MAN2C1: variants seen among roughly 807,000 people sequenced by gnomAD.
The protein encoded by MAN2C1 is alpha-mannosidase 2C1.
MAN2C1 carries 111 observed loss-of-function variants against 126.9 expected under a neutral mutation model. The observed-to-expected ratio is 0.87, with a 90% confidence interval of 0.75 to 1.02. MAN2C1 has a LOEUF of 1.02. MAN2C1 is among the 50% of genes least tolerant of loss of function. The pLI is 0.00. For synonymous variants in MAN2C1, 567 were observed against 561.5 expected (o/e 1.01, Z -0.14); for missense variants, 1,363 against 1,364.4 (o/e 1.00, Z 0.02).
chr15:75,356,325 C>G lies in MAN2C1; in HGVS notation c.2862G>C (p.Ala954=), dbSNP rs202038615. The G allele has an allele frequency of 3.7e-6, 6 of 1,612,094 alleles. No homozygotes were observed. Among genetic ancestry groups the G allele is most frequent in the South Asian group, 2.2e-5 (2 of 90,792 alleles). Residue 954 remains alanine (A), a synonymous_variant, in exon 24 of 26, where the codon GCG becomes GCC. Transcript: ENST00000267978. The surrounding 1 kb of genome is among the most constrained non-coding windows in gnomAD (Gnocchi z 5.8). ...CCTGCTTGACGGTCTCCAATACGACCGCGGGTGAAGACACGGAAAACGCAC... is the reference window on the plus strand; with the variant it reads ...CCTGCTTGACGGTCTCCAATACGACGGCGGGTGAAGACACGGAAAACGCAC... The part of the protein sequence containing the change: ...SWSAFSVSSP[A]VVLETVKQAE...
chr15:75,363,939 C>A (rs913927900), intron 6 of MAN2C1, 60 bp downstream of exon 6: 1 of 1,575,216 alleles, frequency 6.3e-7, no homozygotes, highest in Non-Finnish European at 8.7e-7. Context: ...TTCTAGGGCA[C>A]ATCCAGGTCT....
chr15:75,356,544 C>G lies in MAN2C1; in HGVS notation c.2737+62G>C. 6.5e-7 allele frequency: 1 copy of G among 1,550,020 alleles called. No individual in the cohort carries two copies. The highest frequency in any genetic ancestry group is 8.7e-7 in the Non-Finnish European group (1 of 1,145,296). On this transcript the variant is annotated intron_variant, in intron 23 of 25. Coordinates refer to ENST00000267978, the MANE Select transcript of MAN2C1 (RefSeq NM_006715.4). This position sits in a 1 kb window ranked among gnomAD's most constrained non-coding sequence, Gnocchi z 5.8. ...GGAAGCCAGGTTGCTGGGGTTTGGG[C>G]TCAGGGAAGGGCAGAGAGGTGTCTA...
chr15:75,360,970 C>T, intron 12 of MAN2C1, 76 bp downstream of exon 12: 2 of 1,522,768 alleles, frequency 1.3e-6, no homozygotes, highest in Admixed American at 2.0e-5. Flanking sequence ...GGGGTTGGGC[C>T]CAATGTCTGA....
At chr15:75,358,836 CA>C (rs1333679634) in intron 18 of MAN2C1, 28 bp from the exon 19 acceptor site, 1 of 1,574,986 alleles carries the variant, frequency 6.3e-7, no homozygotes, top group Non-Finnish European at 8.7e-7. Flanking sequence ...TGGTGCTGTA[CA>C]ACCAACTGAC....
At chr15:75,360,503 C>T (rs201132243) in intron 13 of MAN2C1, 62 bp downstream of exon 13, 31 of 1,596,584 alleles carry the variant, frequency 1.9e-5, no homozygotes, top group Non-Finnish European at 2.6e-6. Flanking sequence ...CTGCTGCCTT[C>T]TCTGACCCTC....
chr15:75,364,002 T>G lies in MAN2C1; in HGVS notation c.787A>C (p.Thr263Pro). Residue 263 changes from threonine (T) to proline (P), a missense_variant, in exon 6 of 26, where the codon ACA becomes CCA. Around this residue, in one of 3 missense-constraint regions of MAN2C1, gnomAD observed 628 missense variants for 609.8 expected, o/e 1.03. Coordinates refer to ENST00000267978, the MANE Select transcript of MAN2C1 (RefSeq NM_006715.4). ...IHATGHCHID[T>P]AWLWPFKETV... is the part of the protein sequence containing the mutation. ...GCCCAACCAGCTGCTGTCCTACCTG[T>G]ATCAATGTGGCAGTGCCCTGTGGCA... is the stretch of plus-strand genomic sequence containing the variant. 6.2e-7 allele frequency: 1 copy of G among 1,614,024 alleles called. No individual in the cohort carries two copies. Among genetic ancestry groups the G allele is most frequent in the Non-Finnish European group, 8.5e-7 (1 of 1,179,968 alleles).
rs1288155373 is a variant in MAN2C1 at position 75,362,230 on chromosome 15, C to A, written c.1008+113G>T. On this transcript the variant is annotated intron_variant, in intron 8 of 25. Coordinates refer to ENST00000267978, the MANE Select transcript of MAN2C1 (RefSeq NM_006715.4). This position sits in a 1 kb window ranked among gnomAD's most constrained non-coding sequence, Gnocchi z 4.5. ...GGACTAATGAGCCAGCCCTGCCACACAGCGGGGATGAGTGGCCCGTGGAAA... is the reference window on the plus strand; with the variant it reads ...GGACTAATGAGCCAGCCCTGCCACAAAGCGGGGATGAGTGGCCCGTGGAAA... The A allele has an allele frequency of 4.4e-6, 4 of 917,218 alleles. No individual in the cohort carries two copies. The highest frequency in any genetic ancestry group is 5.1e-6 in the Non-Finnish European group (3 of 584,158). The allele number at this position is 917,218 out of a possible 1,614,324, so 56.8% of individuals were successfully genotyped here.
In MAN2C1 at chr15:75,362,573, C is replaced by A. The variant is rs1421085248; in HGVS notation, c.897+69G>T. 20 of 1,559,178 alleles carry A rather than the reference C, an allele frequency of 1.3e-5. No individual in the cohort carries two copies. Among genetic ancestry groups the A allele is most frequent in the Non-Finnish European group, 1.7e-5 (19 of 1,136,754 alleles). On this transcript the variant is annotated intron_variant, in intron 7 of 25. Coordinates refer to ENST00000267978, the MANE Select transcript of MAN2C1 (RefSeq NM_006715.4). The surrounding 1 kb of genome is among the most constrained non-coding windows in gnomAD (Gnocchi z 4.5). ...CAGCCCTGACCCCAGGCCTGGGAAGCCTTCAGGGCCTGTGGAGCTCCAGGG... is the reference window on the plus strand; with the variant it reads ...CAGCCCTGACCCCAGGCCTGGGAAGACTTCAGGGCCTGTGGAGCTCCAGGG...
rs1006046130 is a variant in MAN2C1, at chr15:75,361,533, A to AG, written c.1218+70dup. ...GTGGTCTGTCTAGGACCCCACAATAAGGGGGAGAGGCAAATGGGCCAGGCG... is the reference window on the plus strand; with the variant it reads ...GTGGTCTGTCTAGGACCCCACAATAAGGGGGGAGAGGCAAATGGGCCAGGCG... On this transcript the variant is annotated intron_variant, in intron 10 of 25. Transcript: ENST00000267978. This position sits in a 1 kb window ranked among gnomAD's most constrained non-coding sequence, Gnocchi z 5.0. 2 of 1,335,920 alleles carry AG rather than the reference A, an allele frequency of 1.5e-6. No homozygotes were observed. Among genetic ancestry groups the AG allele is most frequent in the African/African-American group, 2.9e-5 (2 of 69,294 alleles). The allele number at this position is 1,335,920 out of a possible 1,614,324, so 82.8% of individuals were successfully genotyped here.
Position 75,362,854 on chromosome 15 carries a change from C to T in MAN2C1, c.791-106G>A. 2.3e-6 allele frequency: 2 copies of T among 872,726 alleles called. No homozygotes were observed. Among genetic ancestry groups the T allele is most frequent in the Non-Finnish European group, 1.8e-6 (1 of 541,786 alleles). 54.1% of individuals were successfully genotyped at this position (872,726 alleles called of 1,614,324 possible). On this transcript the variant is annotated intron_variant, in intron 6 of 25. Transcript: ENST00000267978. The surrounding 1 kb of genome is among the most constrained non-coding windows in gnomAD (Gnocchi z 4.5). ...CCCCCCTCCCATCCCAGGCCCTTCA[C>T]CCTGGAAAGCCCTGTGGTGTCCCTC...
Position 75,368,539 on chromosome 15 carries a change from C to T in MAN2C1, c.45G>A (p.Glu15=), listed in dbSNP as rs1291815006. The change falls in exon 1 of 26, where the codon GAG becomes GAA. Residue 15 remains glutamate (E), a synonymous_variant. Transcript: ENST00000267978. ...GCGGCGACACGAACTTCTCCACCCGCTCCAGCGTGGTGCGCCAGTGCTTCA... is the reference window on the plus strand; with the variant it reads ...GCGGCGACACGAACTTCTCCACCCGTTCCAGCGTGGTGCGCCAGTGCTTCA... ...PALKHWRTTL[E]RVEKFVSPLY... 6.4e-7 allele frequency: 1 copy of T among 1,554,366 alleles called. No individual in the cohort carries two copies.
intron 3 of MAN2C1, 26 bp downstream of exon 3, chr15:75,367,485 C>T (rs774215468): frequency 1.2e-6 from 2 of 1,611,732 alleles, no homozygotes; most frequent in East Asian, 2.2e-5. Context: ...TGTGGCCATA[C>T]CTGGCCCTAG....
chr15:75,364,262 C>A (rs2072532803), intron 5 of MAN2C1, 74 bp from the exon 6 acceptor site: 1 of 1,472,450 alleles, frequency 6.8e-7, no homozygotes, highest in African/African-American at 1.4e-5. Flanking sequence ...GATCTCAGGG[C>A]TCTCAGCAGA....
Position 75,359,713 on chromosome 15 carries a change from G to A in MAN2C1, c.1855C>T (p.Pro619Ser), listed in dbSNP as rs1231831567. 6.2e-7 allele frequency: 1 copy of A among 1,614,122 alleles called. No individual in the cohort carries two copies. Residue 619 changes from proline (P) to serine (S), a missense_variant, in exon 16 of 26, where the codon CCA becomes TCA. Physicochemically the swap from Pro to Ser is moderately conservative, Grantham distance 74 (BLOSUM62 -1). This residue lies in a region of MAN2C1 where 668 missense variants were observed against 650.1 expected (regional missense o/e 1.03). Coordinates refer to ENST00000267978, the MANE Select transcript of MAN2C1 (RefSeq NM_006715.4). ...AAAAALCAGE[P>S]GPEGLLIVNT... is the part of the protein sequence containing the mutation. ...ACGATGAGGAGGCCCTCAGGACCTG[G>A]CTCCCCAGCACACAGGGCTGCGGCT... is the stretch of plus-strand genomic sequence containing the variant.
Position 75,361,465 on chromosome 15 carries a change from C to T in MAN2C1, c.1219-84G>A, listed in dbSNP as rs538776483. ...CAGGCCTTCCAGACTTGGTCCTGCC[C>T]CTGCCTGCTATGTGACCCTGGCAGA... On this transcript the variant is annotated intron_variant, in intron 10 of 25. Transcript: ENST00000267978. This position sits in a 1 kb window ranked among gnomAD's most constrained non-coding sequence, Gnocchi z 5.0. 3.1e-5 allele frequency: 40 copies of T among 1,301,630 alleles called. No individual in the cohort carries two copies. The highest frequency in any genetic ancestry group is 3.0e-4 in the South Asian group (25 of 83,012). 80.6% of individuals were successfully genotyped at this position (1,301,630 alleles called of 1,614,324 possible).
At chr15:75,360,852 T>C (rs2072452214) in intron 12 of MAN2C1, 164 bp from the exon 13 acceptor site, 4 of 1,169,226 alleles carry the variant, frequency 3.4e-6, no homozygotes, top group Non-Finnish European at 3.5e-6. Context: ...CCTCTCTCTC[T>C]GATGGGCTGG....
chr15:75,361,187 A>G lies in MAN2C1; in HGVS notation c.1319T>C (p.Leu440Pro), dbSNP rs1280466544. 2.5e-6 allele frequency: 4 copies of G among 1,612,048 alleles called. No individual in the cohort carries two copies. The highest frequency in any genetic ancestry group is 1.3e-5 in the African/African-American group (1 of 74,936). Residue 440 changes from leucine (L) to proline (P), a missense_variant, in exon 12 of 26, where the codon CTG (leucine) becomes CCG (proline). By Grantham distance (98) the Leu-to-Pro change is moderately conservative. This residue lies in a region of MAN2C1 where 628 missense variants were observed against 609.8 expected (regional missense o/e 1.03). Transcript: ENST00000267978. The surrounding 1 kb of genome is among the most constrained non-coding windows in gnomAD (Gnocchi z 5.0). ...GTCCCGGTTGTTGGCCACGGTCTTC[A>G]GCACCTAGACAGGTGAGGGCAGGCC... ...YGMQGSVEEV[L>P]KTVANNRDKG...
Position 75,362,438 on chromosome 15 carries a change from A to G in MAN2C1, c.913T>C (p.Trp305Arg), listed in dbSNP as rs1487755654. ...AGGCCAGGGTAGCGGCTCTTCACCC[A>G]TTCCAGCTGCTGCGCCTGTGGGCAG... ...FACSQAQQLE[W>R]VKSRYPGLYS... Residue 305 changes from tryptophan (W) to arginine (R), a missense_variant, in exon 8 of 26, where the codon TGG (tryptophan) becomes CGG (arginine). Physicochemically the swap from Trp to Arg is moderately radical, Grantham distance 101. Around this residue, in one of 3 missense-constraint regions of MAN2C1, gnomAD observed 628 missense variants for 609.8 expected, o/e 1.03. Coordinates refer to ENST00000267978, the MANE Select transcript of MAN2C1 (RefSeq NM_006715.4). The surrounding 1 kb of genome is among the most constrained non-coding windows in gnomAD (Gnocchi z 4.5). 2.5e-6 allele frequency: 4 copies of G among 1,612,828 alleles called. No individual in the cohort carries two copies. In the East Asian group the frequency reaches 6.7e-5, roughly 27 times the overall value.
At chr15:75,366,276 A>G (rs2072573469) in intron 4 of MAN2C1, among the ~76,000 whole-genome samples, 1 of 152,236 alleles carries the variant, frequency 6.6e-6, no homozygotes, top group African/African-American at 2.4e-5. Flanking sequence ...GGCTCACTGC[A>G]GCCTCATCCT....
Sources: gnomAD v4.1 joint callset for allele counts (sites outside exome capture counted in the v4.1 genomes callset) on GRCh38, gnomAD v4.1.1 for gene constraint, gnomAD v4.1.1 regional missense constraint, Gnocchi (gnomAD v3.1) non-coding constraint, MANE v1.5 for transcripts, NCBI Gene and HGNC (gene_info 2026-07-23, HGNC 2026-07-21) for gene names.